The following WBP1L variants were observed in gnomAD, a reference collection of about 807,000 sequenced individuals.
The protein encoded by WBP1L is WW domain binding protein 1-like.
In WBP1L, 17 loss-of-function variants were observed where a neutral mutation model predicts 33.7. The observed-to-expected ratio is 0.50, with a 90% CI of 0.34 to 0.76. The LOEUF is 0.76. Ranked by LOEUF, WBP1L falls within the 30% of genes least tolerant of loss-of-function variation. WBP1L has a pLI of 0.01. For synonymous variants in WBP1L, 173 were observed against 190.8 expected (o/e 0.91, Z 0.77); for missense variants, 389 against 469.4 (o/e 0.83, Z 1.58).
rs1416237821 is a variant in WBP1L, at chr10:102,813,070, G to A, written c.831G>A (p.Val277=). ...FTGDSGIEVC[V]CNRGHHDDDL... is the part of the protein sequence containing the mutation. ...GTGACTCGGGCATTGAAGTGTGTGT[G>A]TGCAACCGGGGCCACCATGACGATG... The change falls in exon 4 of 4, where the codon GTG becomes GTA. Residue 277 remains valine (V), a synonymous_variant. Transcript: ENST00000448841. The A allele has an allele frequency of 6.2e-7, 1 of 1,613,850 alleles. No individual in the cohort carries two copies. The highest frequency in any genetic ancestry group is 8.5e-7 in the Non-Finnish European group (1 of 1,180,028).
intron 1 of WBP1L, among the ~76,000 whole-genome samples, chr10:102,775,395 G>A (rs977407600): frequency 6.6e-6 from 1 of 152,162 alleles, no homozygotes; most frequent in Non-Finnish European, 1.5e-5. Context: ...TTGCGTTAGA[G>A]AACTCTTGTC....
At chr10:102,808,781 A>G (rs1420157316) in intron 2 of WBP1L, among the ~76,000 whole-genome samples, 1 of 152,314 alleles carries the variant, frequency 6.6e-6, no homozygotes, top group South Asian at 2.1e-4. Context: ...TTTTGATGCT[A>G]TCAGGAGAAT....
intron 1 of WBP1L, among the ~76,000 whole-genome samples, chr10:102,744,729 A>AACC (rs1423037863): frequency 6.6e-6 from 1 of 152,166 alleles, no homozygotes; most frequent in African/African-American, 2.4e-5. Flanking sequence ...AACAGAGTGG[A>AACC]ACCCCTCAGG....
At chr10:102,777,511 G>T (rs1035873491) in intron 1 of WBP1L, among the ~76,000 whole-genome samples, 20 of 150,720 alleles carry the variant, frequency 1.3e-4, no homozygotes, top group Admixed American at 1.3e-3. Flanking sequence ...CTGATGGGCA[G>T]AGAGGTGACC....
chr10:102,809,396 G>C (rs1394998226), intron 2 of WBP1L, among the ~76,000 whole-genome samples: 1 of 151,098 alleles, frequency 6.6e-6, no homozygotes, highest in Non-Finnish European at 1.5e-5. Context: ...TTTTGAGACA[G>C]AGTCTTGCTC....
chr10:102,786,906 G>A (rs1843423254), intron 1 of WBP1L, among the ~76,000 whole-genome samples: 1 of 152,198 alleles, frequency 6.6e-6, no homozygotes, highest in African/African-American at 2.4e-5. Flanking sequence ...GTACTCTATA[G>A]CTAAAGCATG....
intron 2 of WBP1L, among the ~76,000 whole-genome samples, chr10:102,799,897 C>G (rs1225806205): frequency 6.6e-6 from 1 of 152,132 alleles, no homozygotes; most frequent in African/African-American, 2.4e-5. Context: ...AGGAGTGGTT[C>G]CTCCAAACAA....
chr10:102,791,443 T>C (rs185911058), intron 1 of WBP1L, among the ~76,000 whole-genome samples: 4 of 151,792 alleles, frequency 2.6e-5, no homozygotes, highest in Admixed American at 2.6e-4. Context: ...TGGCACATGG[T>C]TGGGGGAAGG....
intron 1 of WBP1L, among the ~76,000 whole-genome samples, chr10:102,768,906 TC>T (rs1470866927): frequency 1.3e-5 from 2 of 151,950 alleles, no homozygotes; most frequent in Non-Finnish European, 2.9e-5. Flanking sequence ...GCCAGGATGG[TC>T]TTGATCTCCT....
intron 1 of WBP1L, among the ~76,000 whole-genome samples, chr10:102,746,383 A>G (rs761615452): frequency 1.1e-4 from 16 of 152,090 alleles, no homozygotes; most frequent in Non-Finnish European, 2.2e-4. Context: ...AGTTTTCGTA[A>G]TGAGCAGTGG....
chr10:102,794,307 A>G (rs1190546910), intron 1 of WBP1L, among the ~76,000 whole-genome samples: 1 of 152,170 alleles, frequency 6.6e-6, no homozygotes, highest in Non-Finnish European at 1.5e-5. Context: ...GGGGAGGATA[A>G]TAAAACCTTA....
chr10:102,810,027 A>G lies in WBP1L; in HGVS notation c.328A>G (p.Asn110Asp). The G allele has an allele frequency of 6.2e-7, 1 of 1,613,432 alleles. No homozygotes were observed. Among genetic ancestry groups the G allele is most frequent in the Non-Finnish European group, 8.5e-7 (1 of 1,179,858 alleles). ...INLIAYREAH[N>D]YSALPFYFRF... ...CCTGATCGCTTACCGAGAAGCCCAC[A>G]ATTACTCAGCGCTGCCATTTTATTT... The change falls in exon 3 of 4, where the codon AAT becomes GAT. Residue 110 changes from asparagine (N) to aspartate (D), a missense_variant. Transcript: ENST00000448841.
Position 102,814,426 on chromosome 10 carries a change from G to C in WBP1L, c.*1095G>C, listed in dbSNP as rs1843898701. 6.6e-6 allele frequency: 1 copy of C among 152,518 alleles called. No homozygotes were observed. The highest frequency in any genetic ancestry group is 2.4e-5 in the African/African-American group (1 of 41,424). The allele number at this position is 152,518 out of a possible 1,614,324, so 9.4% of individuals were successfully genotyped here. The stretch of plus-strand genomic sequence containing the variant: ...TGAGGAAGCGATGGCCCCAGAGAAA[G>C]GGCCCCTGTAGCCTGGCTCTCACAC... On this transcript the variant is annotated 3_prime_UTR_variant, in exon 4 of 4. Transcript: ENST00000448841.
intron 2 of WBP1L, among the ~76,000 whole-genome samples, chr10:102,806,819 C>G (rs1450933164): frequency 3.3e-5 from 5 of 152,120 alleles, no homozygotes; most frequent in Non-Finnish European, 7.3e-5. Flanking sequence ...TGGAGGGCAG[C>G]TTTGTGAGGA....
intron 1 of WBP1L, among the ~76,000 whole-genome samples, chr10:102,755,499 C>G (rs1458733207): frequency 6.6e-6 from 1 of 152,024 alleles, no homozygotes; most frequent in Non-Finnish European, 1.5e-5. Flanking sequence ...ACAAGTGATT[C>G]TCCTGCCTCA....
intron 1 of WBP1L, among the ~76,000 whole-genome samples, chr10:102,785,830 G>A (rs1250089282): frequency 1.3e-5 from 2 of 152,224 alleles, no homozygotes; most frequent in Non-Finnish European, 2.9e-5. Context: ...CAGTGATGAG[G>A]AATTCCTGGG....
intron 3 of WBP1L, 115 bp from the exon 4 acceptor site, chr10:102,812,480 C>A: frequency 7.9e-7 from 1 of 1,266,598 alleles, no homozygotes; most frequent in Non-Finnish European, 1.1e-6. Context: ...GTAGCCATCA[C>A]TTGTTGGGTG....
chr10:102,813,024 G>C lies in WBP1L; in HGVS notation c.785G>C (p.Gly262Ala). The change falls in exon 4 of 4, where the codon GGG becomes GCG. Residue 262 changes from glycine to alanine, a missense_variant. Coordinates refer to ENST00000448841, the MANE Select transcript of WBP1L (RefSeq NM_001083913.2). Reference sequence around the variant, plus strand: ...CCCGACAGCAAAGAGAAGACGCCTGGGAGACATCGCCGCTTCACAGGTGAC... The same window carrying C: ...CCCGACAGCAAAGAGAAGACGCCTGCGAGACATCGCCGCTTCACAGGTGAC... Reference protein sequence around the residue: ...GAPDSKEKTPGRHRRFTGDSG... With the variant: ...GAPDSKEKTPARHRRFTGDSG... 6.2e-7 allele frequency: 1 copy of C among 1,613,748 alleles called. No individual in the cohort carries two copies. The highest frequency in any genetic ancestry group is 8.5e-7 in the Non-Finnish European group (1 of 1,180,030).
In WBP1L at chr10:102,802,604, TC is replaced by T. The variant is rs565367812; in HGVS notation, c.193+4512del. On this transcript the variant is annotated intron_variant, in intron 2 of 3. Coordinates refer to ENST00000448841, the MANE Select transcript of WBP1L (RefSeq NM_001083913.2). ...CTCGCTTCCCAGGTCCAAGCGATTC[TC>T]CCACCTCAGCCTCCCAAATAGCTGG... Among the ~76,000 whole-genome samples, 504 of 152,280 alleles carry T rather than the reference TC, an allele frequency of 3.3e-3. 6 individuals carry two copies. Among genetic ancestry groups the T allele is most frequent in the African/African-American group, 0.011 (474 of 41,554 alleles).
Sources: gnomAD v4.1 joint callset for allele counts (sites outside exome capture counted in the v4.1 genomes callset) on GRCh38, gnomAD v4.1.1 for gene constraint, MANE v1.5 for transcripts, NCBI Gene and HGNC (gene_info 2026-07-23, HGNC 2026-07-21) for gene names.